Variants in HEMK2 observed in about 807,000 individuals in gnomAD.
HEMK2 encodes the protein HemK methyltransferase 2, ETF1 glutamine and histone H4 lysine.
At chr21:28,666,815 G>T in the HEMK2 span, among the ~76,000 whole-genome samples, 237 of 152,248 alleles carry the variant, frequency 1.6e-3, 1 homozygote, top group Non-Finnish European at 1.9e-3. Context: ...ATAGTCGTTA[G>T]TTCTCATCTG....
chr21:28,640,883 C>T, the HEMK2 span, among the ~76,000 whole-genome samples: 30 of 152,296 alleles, frequency 2.0e-4, no homozygotes, highest in African/African-American at 7.0e-4. Flanking sequence ...ATCATGGCTG[C>T]TATGAAGAAC....
At chr21:28,717,138 G>A in the HEMK2 span, among the ~76,000 whole-genome samples, 2 of 152,136 alleles carry the variant, frequency 1.3e-5, no homozygotes, top group African/African-American at 2.4e-5. Context: ...TTTGTAGAAT[G>A]AGGGAGGAGT....
At chr21:28,759,210 C>T in the HEMK2 span, among the ~76,000 whole-genome samples, 1 of 152,242 alleles carries the variant, frequency 6.6e-6, no homozygotes, top group Non-Finnish European at 1.5e-5. Context: ...TTGCACTGTG[C>T]CCAAGGGCAT....
the HEMK2 span, chr21:28,885,337 C>G: frequency 1.3e-6 from 2 of 1,576,390 alleles, no homozygotes; most frequent in Non-Finnish European, 1.7e-6. Flanking sequence ...CGAAGTTCTC[C>G]CCTGCCATAG....
chr21:28,633,468 T>A, the HEMK2 span, among the ~76,000 whole-genome samples: 1 of 152,140 alleles, frequency 6.6e-6, no homozygotes, highest in Non-Finnish European at 1.5e-5. Flanking sequence ...TTATGGCAAC[T>A]TTTTTAGGGA....
chr21:28,885,075 C>T, the HEMK2 span: 1 of 1,282,862 alleles, frequency 7.8e-7, no homozygotes, highest in Non-Finnish European at 1.0e-6. Context: ...TTACGGCGTC[C>T]TGGCTGTCAA....
At chr21:28,610,693 A>T in the HEMK2 span, among the ~76,000 whole-genome samples, 1 of 152,192 alleles carries the variant, frequency 6.6e-6, no homozygotes, top group South Asian at 2.1e-4. Flanking sequence ...TAAGGTAAAG[A>T]TATAGAAAAA....
the HEMK2 span, among the ~76,000 whole-genome samples, chr21:28,791,845 G>A: frequency 6.6e-6 from 1 of 152,054 alleles, no homozygotes; most frequent in Non-Finnish European, 1.5e-5. Context: ...TCCCAGGTTA[G>A]GCATTCTAAG....
the HEMK2 span, among the ~76,000 whole-genome samples, chr21:28,782,964 G>A: frequency 1.9e-4 from 29 of 152,164 alleles, no homozygotes; most frequent in African/African-American, 7.0e-4. Flanking sequence ...TTTTTCGCAA[G>A]TGCTGGTAAC....
chr21:28,852,327 A>G, the HEMK2 span, among the ~76,000 whole-genome samples: 1 of 152,118 alleles, frequency 6.6e-6, no homozygotes, highest in African/African-American at 2.4e-5. Flanking sequence ...GCATTCTGGC[A>G]CCGGGGAAGT....
the HEMK2 span, among the ~76,000 whole-genome samples, chr21:28,841,664 C>T: frequency 2.0e-5 from 3 of 149,712 alleles, no homozygotes; most frequent in East Asian, 2.0e-4. Flanking sequence ...TAGGGAGTTG[C>T]GGGGAAGAGT....
chr21:28,742,945 G>A, the HEMK2 span, among the ~76,000 whole-genome samples: 1,671 of 152,158 alleles, frequency 0.011, 21 homozygotes, highest in Middle Eastern at 0.024. Context: ...AGTTTATTCC[G>A]TTTCCTGACA....
At chr21:28,735,459 A>G in the HEMK2 span, among the ~76,000 whole-genome samples, 1 of 152,126 alleles carries the variant, frequency 6.6e-6, no homozygotes, top group Non-Finnish European at 1.5e-5. Flanking sequence ...ACTAAAGATG[A>G]CCCACATTCC....
At chr21:28,749,235 C>G in the HEMK2 span, among the ~76,000 whole-genome samples, 1 of 152,128 alleles carries the variant, frequency 6.6e-6, no homozygotes, top group African/African-American at 2.4e-5. Flanking sequence ...ATTTTCTTCT[C>G]AGTAGTGAAA....
chr21:28,617,694 AGG>A, the HEMK2 span, among the ~76,000 whole-genome samples: 4,364 of 152,308 alleles, frequency 0.029, 212 homozygotes, highest in African/African-American at 0.1. Context: ...ATATTTCTAA[AGG>A]TCATAAATTA....
At chr21:28,878,361 T>C in the HEMK2 span, 2 of 1,611,360 alleles carry the variant, frequency 1.2e-6, no homozygotes, top group African/African-American at 1.3e-5. Context: ...GAATGTTTTC[T>C]TTTAACTCAA....
chr21:28,646,350 T>A, the HEMK2 span, among the ~76,000 whole-genome samples: 1 of 152,242 alleles, frequency 6.6e-6, no homozygotes, highest in Non-Finnish European at 1.5e-5. Flanking sequence ...CCCTGCTTCA[T>A]ACATAAAAGA....
chr21:28,821,729 AAAC>A, the HEMK2 span, among the ~76,000 whole-genome samples: 7 of 152,234 alleles, frequency 4.6e-5, no homozygotes, highest in Non-Finnish European at 1.0e-4. Flanking sequence ...CTAATAATAA[AAAC>A]AACAATTCTG....
At chr21:28,884,692 T>C in the HEMK2 span, among the ~76,000 whole-genome samples, 9 of 152,220 alleles carry the variant, frequency 5.9e-5, no homozygotes, top group Non-Finnish European at 7.3e-5. Context: ...TGTAGCCACA[T>C]GTGAGGACTG....
Sources: gnomAD v4.1 joint callset for allele counts (sites outside exome capture counted in the v4.1 genomes callset) on GRCh38, gnomAD v4.1.1 for gene constraint, MANE v1.5 for transcripts, NCBI Gene and HGNC (gene_info 2026-07-23, HGNC 2026-07-21) for gene names.